Variants in KAT2B observed in about 807,000 individuals in gnomAD.
KAT2B encodes the protein histone acetyltransferase KAT2B.
Under a neutral mutation model 105.9 loss-of-function variants are expected in KAT2B, and 36 were observed. The observed-to-expected ratio is 0.34, with a 90% CI of 0.26 to 0.45. KAT2B has a LOEUF of 0.45. Ranked by LOEUF, KAT2B falls within the 20% of genes least tolerant of loss-of-function variation. The pLI, the probability that KAT2B is intolerant of heterozygous loss-of-function variation, is 1.00. For synonymous variants in KAT2B, 397 were observed against 377.9 expected, an observed-to-expected ratio of 1.05 and a Z score of -0.59; for missense variants, 820 against 1,021.6, an observed-to-expected ratio of 0.80 and a Z score of 2.69.
intron 11 of KAT2B, among the ~76,000 whole-genome samples, chr3:20,133,050 T>G (rs189914689): frequency 4.5e-4 from 68 of 152,330 alleles, no homozygotes; most frequent in Non-Finnish European, 1.8e-4. Context: ...TAGAAATAAT[T>G]TTTAATTATG....
chr3:20,063,433 CT>C (rs1698171184), intron 1 of KAT2B, among the ~76,000 whole-genome samples: 1 of 145,870 alleles, frequency 6.9e-6, no homozygotes, highest in African/African-American at 2.5e-5. Flanking sequence ...GAGATTCTTT[CT>C]TTCTTTCTTT....
chr3:20,130,877 ATGTG>A (rs913864036), intron 11 of KAT2B, among the ~76,000 whole-genome samples: 4 of 148,146 alleles, frequency 2.7e-5, no homozygotes, highest in Non-Finnish European at 6.0e-5. Flanking sequence ...GTGTGCGTGC[ATGTG>A]TGTGTTTTTT....
At chr3:20,089,643 G>A (rs551962213) in intron 2 of KAT2B, among the ~76,000 whole-genome samples, 1 of 151,994 alleles carries the variant, frequency 6.6e-6, no homozygotes, top group East Asian at 1.9e-4. Flanking sequence ...CTTGTGATTT[G>A]CCTGCCTCAG....
intron 2 of KAT2B, among the ~76,000 whole-genome samples, chr3:20,089,972 A>G (rs545733770): frequency 8.4e-4 from 128 of 151,820 alleles, no homozygotes; most frequent in African/African-American, 2.8e-3. Flanking sequence ...GTGAGAAGCC[A>G]TCTCTATTAA....
Position 20,140,346 on chromosome 3 carries a change from C to T in KAT2B, c.1986C>T (p.Ile662=). ...PRIPYTEFSV[I]IKKQKEIIKK... is the part of the protein sequence containing the mutation. ...TCCCGTACACAGAATTTTCTGTCAT[C>T]ATTAAAAAGCAGAAGGAGGTAAGCA... Residue 662 remains isoleucine, a synonymous_variant, in exon 13 of 18, where the codon ATC becomes ATT. Coordinates refer to ENST00000263754, the MANE Select transcript of KAT2B (RefSeq NM_003884.5). 1.9e-6 allele frequency: 3 copies of T among 1,613,784 alleles called. No homozygotes were observed. Among genetic ancestry groups the T allele is most frequent in the Non-Finnish European group, 1.7e-6 (2 of 1,179,934 alleles).
At chr3:20,098,418 A>G (rs1250554024) in intron 3 of KAT2B, among the ~76,000 whole-genome samples, 3 of 152,204 alleles carry the variant, frequency 2.0e-5, no homozygotes, top group Non-Finnish European at 4.4e-5. Context: ...TGTTAGTAGT[A>G]GCACCTACCT....
At position 20,052,689 on chromosome 3, in the gene KAT2B, C is replaced by T. The variant is rs1052718451; in HGVS notation, c.303+11909C>T. On this transcript the variant is annotated intron_variant, in intron 1 of 17. Transcript: ENST00000263754. ...AAAAAAAAAAGAGAGAAAAAGAGGCCGGGCACGGTGGCTCATGCCTGTAAT... is the reference window on the plus strand; with the variant it reads ...AAAAAAAAAAGAGAGAAAAAGAGGCTGGGCACGGTGGCTCATGCCTGTAAT... Among the ~76,000 whole-genome samples the T allele has an allele frequency of 3.1e-4, 47 of 151,468 alleles. 1 individual carries two copies. The highest frequency in any genetic ancestry group is 2.1e-4 in the South Asian group (1 of 4,808).
At chr3:20,102,177 A>C (rs779226188) in intron 5 of KAT2B, among the ~76,000 whole-genome samples, 1 of 152,102 alleles carries the variant, frequency 6.6e-6, no homozygotes, top group African/African-American at 2.4e-5. Flanking sequence ...TTAACTGGGC[A>C]TGGTGTCACG....
intron 1 of KAT2B, among the ~76,000 whole-genome samples, chr3:20,056,366 A>C (rs1262287572): frequency 1.3e-5 from 2 of 152,244 alleles, no homozygotes; most frequent in Non-Finnish European, 2.9e-5. Context: ...TCCATTTACC[A>C]AGATAGAGAA....
chr3:20,040,458 C>A lies in KAT2B; in HGVS notation c.-20C>A. 9.2e-7 allele frequency: 1 copy of A among 1,083,814 alleles called. No individual in the cohort carries two copies. Among genetic ancestry groups the A allele is most frequent in the Non-Finnish European group, 1.1e-6 (1 of 895,118 alleles). The allele number at this position is 1,083,814 out of a possible 1,614,324, so 67.1% of individuals were successfully genotyped here. A position where few individuals can be genotyped will look rare whatever the true frequency, so the allele number is the denominator to read the frequency against. On this transcript the variant is annotated 5_prime_UTR_variant, in exon 1 of 18. In the 5' UTR this introduces an upstream ATG that the reference lacks. Transcript: ENST00000263754. ...GGCGGCGCCTGACACTCGGCGCCTCCTGCCGTGCTCCGGGGCGGCATGTCC... is the reference window on the plus strand; with the variant it reads ...GGCGGCGCCTGACACTCGGCGCCTCATGCCGTGCTCCGGGGCGGCATGTCC...
At chr3:20,147,939 G>T (rs771977841) in intron 14 of KAT2B, 24 bp from the exon 15 acceptor site, 5 of 1,611,076 alleles carry the variant, frequency 3.1e-6, no homozygotes, top group East Asian at 2.2e-5. Context: ...TTCTCATTCA[G>T]TGTTTCACTT....
chr3:20,102,204 T>C (rs993171744), intron 5 of KAT2B, among the ~76,000 whole-genome samples: 1 of 152,058 alleles, frequency 6.6e-6, no homozygotes, highest in Non-Finnish European at 1.5e-5. Flanking sequence ...TAATCCTGGC[T>C]ACTTGGGAGG....
At chr3:20,122,622 G>T in intron 8 of KAT2B, 46 bp from the exon 9 acceptor site, 1 of 1,486,622 alleles carries the variant, frequency 6.7e-7, no homozygotes, top group Non-Finnish European at 9.3e-7. Context: ...TATTTGTTTT[G>T]TGTTTAGAAC....
chr3:20,114,777 T>G, intron 6 of KAT2B, 105 bp from the exon 7 acceptor site: 1 of 636,668 alleles, frequency 1.6e-6, no homozygotes, highest in Non-Finnish European at 2.8e-6. Flanking sequence ...TATTTCTGAT[T>G]GAAGGTTTGA....
At chr3:20,066,797 T>C (rs1368489482) in intron 1 of KAT2B, among the ~76,000 whole-genome samples, 2 of 151,974 alleles carry the variant, frequency 1.3e-5, no homozygotes, top group Non-Finnish European at 2.9e-5. Flanking sequence ...TTAATTCTAA[T>C]TTTTACTTTA....
intron 9 of KAT2B, among the ~76,000 whole-genome samples, chr3:20,125,544 C>T (rs555657945): frequency 5.2e-4 from 79 of 152,286 alleles, no homozygotes; most frequent in African/African-American, 1.6e-3. Flanking sequence ...GATGCTTTTG[C>T]ATTATAGCAG....
chr3:20,051,523 C>T (rs1697916094), intron 1 of KAT2B, among the ~76,000 whole-genome samples: 1 of 152,186 alleles, frequency 6.6e-6, no homozygotes, highest in South Asian at 2.1e-4. Context: ...TGGCAGCTTT[C>T]CTAAAAGGCT....
intron 2 of KAT2B, among the ~76,000 whole-genome samples, 159 bp downstream of exon 2, chr3:20,072,618 G>A (rs1386282094): frequency 6.6e-6 from 1 of 152,230 alleles, no homozygotes; most frequent in African/African-American, 2.4e-5. Flanking sequence ...GCTGGGAAGG[G>A]CTTCTCGTGA....
chr3:20,095,674 A>G (rs1698796035), intron 3 of KAT2B, among the ~76,000 whole-genome samples: 1 of 152,222 alleles, frequency 6.6e-6, no homozygotes, highest in South Asian at 2.1e-4. Context: ...TCCACCCAAC[A>G]AATATTTATT....
Sources: allele counts gnomAD v4.1 joint callset (sites outside exome capture counted in the v4.1 genomes callset), GRCh38; gene constraint gnomAD v4.1.1; transcripts MANE v1.5; gene names NCBI Gene and HGNC (gene_info 2026-07-23, HGNC 2026-07-21).